Variants in IGF1R observed in about 807,000 individuals in gnomAD.
IGF1R encodes insulin like growth factor 1 receptor.
A neutral mutation model predicts 144.6 loss-of-function variants in IGF1R; 44 were observed. That is an observed-to-expected ratio of 0.30 (90% CI 0.24 to 0.39). The LOEUF is 0.39. Ranked by LOEUF, IGF1R falls within the 10% of genes least tolerant of loss-of-function variation. The probability of loss-of-function intolerance (pLI) is 1.00; values close to 1 mark genes in which losing one functional copy is unlikely to be tolerated. For synonymous variants in IGF1R, 795 were observed against 722.8 expected, an observed-to-expected ratio of 1.10 and a Z score of -1.60; for missense variants, 1,355 against 1,833.7, an observed-to-expected ratio of 0.74 and a Z score of 4.77.
chr15:98,801,006 A>C (rs1567135536), intron 2 of IGF1R, among the ~76,000 whole-genome samples: 1 of 152,106 alleles, frequency 6.6e-6, no homozygotes, highest in Non-Finnish European at 1.5e-5. Flanking sequence ...ATGTGTGTGC[A>C]TTCTTTTTGC....
At chr15:98,939,602 C>G (rs541704092) in intron 18 of IGF1R, among the ~76,000 whole-genome samples, 381 of 152,302 alleles carry the variant, frequency 2.5e-3, no homozygotes, top group Non-Finnish European at 4.5e-3. Flanking sequence ...GGCTGGCTCT[C>G]CAGACGTTTG....
intron 2 of IGF1R, among the ~76,000 whole-genome samples, chr15:98,769,625 A>C (rs2175795): frequency 6.6e-6 from 1 of 152,030 alleles, no homozygotes; most frequent in Non-Finnish European, 1.5e-5. Context: ...TGAAGTCCAC[A>C]TTGAATAAGA....
At chr15:98,672,330 C>T (rs28621576) in intron 1 of IGF1R, among the ~76,000 whole-genome samples, 19,671 of 152,096 alleles carry the variant, frequency 0.13, 2,499 homozygotes, top group African/African-American at 0.33. Flanking sequence ...TTTGGGAGGC[C>T]GAGGCGGGCG....
At chr15:98,802,829 C>G (rs1279252154) in intron 2 of IGF1R, among the ~76,000 whole-genome samples, 1 of 152,202 alleles carries the variant, frequency 6.6e-6, no homozygotes, top group Non-Finnish European at 1.5e-5. Context: ...CTTTATCTTA[C>G]TTTTCCTACA....
At chr15:98,864,069 G>T (rs1367639505) in intron 2 of IGF1R, among the ~76,000 whole-genome samples, 1 of 151,936 alleles carries the variant, frequency 6.6e-6, no homozygotes, top group Non-Finnish European at 1.5e-5. Flanking sequence ...ACCAGCTTGG[G>T]CAACATAGGG....
At chr15:98,923,080 G>C (rs150983340) in intron 11 of IGF1R, among the ~76,000 whole-genome samples, 94 of 152,188 alleles carry the variant, frequency 6.2e-4, no homozygotes, top group South Asian at 1.0e-3. Flanking sequence ...CCATTGTAGC[G>C]TGCCTTGAGG....
In IGF1R at chr15:98,960,671, GTGCAGCTGCAGC is replaced by G. The variant is rs2017187583; in HGVS notation, c.*3230_*3241del. The G allele has an allele frequency of 4.3e-6, 1 of 233,242 alleles. No individual in the cohort carries two copies. Among genetic ancestry groups the G allele is most frequent in the Non-Finnish European group, 8.5e-6 (1 of 118,118 alleles). The allele number at this position is 233,242 out of a possible 1,614,324, so 14.4% of individuals were successfully genotyped here. ...GCTGCTGCATTCATTGAGCACAAAG[GTGCAGCTGCAGC>G]AGCAGCTGGAGAGCAAGAGTCACCC... On this transcript the variant is annotated 3_prime_UTR_variant, in exon 21 of 21. Transcript: ENST00000650285.
intron 2 of IGF1R, among the ~76,000 whole-genome samples, chr15:98,753,082 C>T (rs950296236): frequency 4.0e-4 from 61 of 151,718 alleles, no homozygotes; most frequent in Non-Finnish European, 7.9e-4. Context: ...ACTACAGGCA[C>T]GTGCCACCAC....
chr15:98,721,000 T>G (rs2054233493), intron 2 of IGF1R, among the ~76,000 whole-genome samples: 1 of 152,164 alleles, frequency 6.6e-6, no homozygotes, highest in Admixed American at 6.5e-5. Context: ...AAAGCAAAAT[T>G]AAAATACTTT....
intron 2 of IGF1R, among the ~76,000 whole-genome samples, chr15:98,806,342 G>A (rs1055253547): frequency 2.6e-5 from 4 of 152,278 alleles, no homozygotes; most frequent in South Asian, 2.1e-4. Flanking sequence ...AGCCGAGGGC[G>A]CACGAAGTGC....
intron 1 of IGF1R, among the ~76,000 whole-genome samples, chr15:98,687,907 G>A (rs1318263328): frequency 6.6e-6 from 1 of 152,198 alleles, no homozygotes; most frequent in African/African-American, 2.4e-5. Flanking sequence ...TGGAAGCAGG[G>A]CTCCTCATGA....
intron 7 of IGF1R, among the ~76,000 whole-genome samples, chr15:98,911,886 G>C (rs919604307): frequency 9.2e-5 from 14 of 152,106 alleles, no homozygotes; most frequent in South Asian, 2.1e-4. Flanking sequence ...CTCTCTCTCT[G>C]TGTGCCTCTC....
intron 9 of IGF1R, 43 bp downstream of exon 9, chr15:98,916,174 A>G: frequency 3.1e-6 from 5 of 1,598,312 alleles, no homozygotes; most frequent in Non-Finnish European, 4.3e-6. Flanking sequence ...GTGACCGTTC[A>G]TTCCTGTGGT....
chr15:98,844,943 A>G (rs904574762), intron 2 of IGF1R, among the ~76,000 whole-genome samples: 4 of 152,192 alleles, frequency 2.6e-5, no homozygotes, highest in African/African-American at 9.7e-5. Flanking sequence ...GTAATTCTAC[A>G]GCCAGACCTC....
chr15:98,876,995 C>G (rs1406344217), intron 2 of IGF1R, among the ~76,000 whole-genome samples: 1 of 152,128 alleles, frequency 6.6e-6, no homozygotes, highest in Non-Finnish European at 1.5e-5. Context: ...AATGTATACT[C>G]TATAATAAAT....
At chr15:98,896,459 T>C (rs2014202548) in intron 3 of IGF1R, among the ~76,000 whole-genome samples, 1 of 152,178 alleles carries the variant, frequency 6.6e-6, no homozygotes, top group Non-Finnish European at 1.5e-5. Context: ...ACCAGCTGGC[T>C]CACCAGTCAA....
At chr15:98,758,188 C>A (rs2055202657) in intron 2 of IGF1R, among the ~76,000 whole-genome samples, 1 of 150,756 alleles carries the variant, frequency 6.6e-6, no homozygotes, top group Admixed American at 6.6e-5. Flanking sequence ...CTTTTCTGTT[C>A]AATTTAAAAT....
chr15:98,937,178 G>A (rs1815008), intron 17 of IGF1R, among the ~76,000 whole-genome samples: 62,111 of 151,984 alleles, frequency 0.41, 12,851 homozygotes, highest in South Asian at 0.53. Flanking sequence ...GAGCCGCTGC[G>A]CCTGGCCCTT....
chr15:98,794,853 C>T (rs946362059), intron 2 of IGF1R, among the ~76,000 whole-genome samples: 2 of 152,170 alleles, frequency 1.3e-5, no homozygotes, highest in Admixed American at 6.5e-5. Context: ...AAGAATCCCC[C>T]GCCCCTTAAC....
Sources: allele counts gnomAD v4.1 joint callset (sites outside exome capture counted in the v4.1 genomes callset), GRCh38; gene constraint gnomAD v4.1.1; transcripts MANE v1.5; gene names NCBI Gene and HGNC (gene_info 2026-07-23, HGNC 2026-07-21).